Variants in XIRP2 observed in about 807,000 individuals in gnomAD.
XIRP2 encodes xin actin binding repeat containing 2, also known as xin actin-binding repeat-containing protein 2.
Under a neutral mutation model 277.0 loss-of-function variants are expected in XIRP2, and 236 were observed. The observed-to-expected ratio is 0.85, with a 90% confidence interval of 0.77 to 0.95. The LOEUF (loss-of-function observed/expected upper bound fraction) is 0.95. Ranked by LOEUF, XIRP2 falls within the 40% of genes least tolerant of loss-of-function variation. The pLI, the probability that XIRP2 is intolerant of heterozygous loss-of-function variation, is 0.00. For missense variants in XIRP2, 4,640 were observed against 4,157.5 expected (o/e 1.12, Z -3.19); for synonymous variants, 1,490 against 1,416.5 (o/e 1.05, Z -1.17).
chr2:167,242,588 A>G lies in XIRP2; in HGVS notation c.1196A>G (p.Glu399Gly), dbSNP rs1450957699. ...KQIKTESEYE[E>G]TFKPSSVVST... ...CTAAAGACTGAAAGTGAATATGAAG[A>G]GACTTTCAAGCCATCATCAGTTGTG... Residue 399 changes from glutamate (E) to glycine (G), a missense_variant, in exon 9 of 11, where the codon GAG (glutamate) becomes GGG (glycine). Coordinates refer to ENST00000409195, the MANE Select transcript of XIRP2 (RefSeq NM_152381.6). 1 of 1,612,260 alleles carries G rather than the reference A, an allele frequency of 6.2e-7. No individual in the cohort carries two copies. The highest frequency in any genetic ancestry group is 1.3e-5 in the African/African-American group (1 of 74,868).
intron 2 of XIRP2, among the ~76,000 whole-genome samples, chr2:166,947,933 G>T (rs913504389): frequency 6.6e-6 from 1 of 152,004 alleles, no homozygotes; most frequent in African/African-American, 2.4e-5. Flanking sequence ...AAAAAGAAAT[G>T]GGCTATCAAA....
At chr2:167,154,025 A>G (rs1692106750) in intron 3 of XIRP2, among the ~76,000 whole-genome samples, 1 of 149,728 alleles carries the variant, frequency 6.7e-6, no homozygotes, top group Non-Finnish European at 1.5e-5. Context: ...AGTCCCACCA[A>G]CAGTGTAAAA....
At chr2:167,151,423 C>A (rs1692012643) in intron 3 of XIRP2, among the ~76,000 whole-genome samples, 1 of 152,058 alleles carries the variant, frequency 6.6e-6, no homozygotes, top group African/African-American at 2.4e-5. Flanking sequence ...ATCCATGTAA[C>A]AAAACTGAAC....
intron 3 of XIRP2, among the ~76,000 whole-genome samples, chr2:167,140,648 C>G (rs530677046): frequency 2.0e-5 from 3 of 152,088 alleles, no homozygotes; most frequent in Non-Finnish European, 4.4e-5. Context: ...TATTTCATGC[C>G]CCAAATAATG....
chr2:167,094,507 G>A (rs545888860), intron 2 of XIRP2, among the ~76,000 whole-genome samples: 19 of 152,266 alleles, frequency 1.2e-4, no homozygotes, highest in African/African-American at 3.9e-4. Context: ...GTGTAAGGAA[G>A]GGGTCTAGTT....
At chr2:167,128,436 G>GAAAT (rs573577992) in intron 2 of XIRP2, among the ~76,000 whole-genome samples, 168 of 152,168 alleles carry the variant, frequency 1.1e-3, no homozygotes, top group Non-Finnish European at 1.7e-3. Flanking sequence ...CCATGCACGG[G>GAAAT]AAATACAGTG....
chr2:167,190,951 C>T (rs1004574484), intron 3 of XIRP2, among the ~76,000 whole-genome samples: 1 of 151,960 alleles, frequency 6.6e-6, no homozygotes, highest in African/African-American at 2.4e-5. Context: ...CCTGTAACCC[C>T]AGCACTTTGG....
intron 2 of XIRP2, among the ~76,000 whole-genome samples, chr2:166,907,895 G>A (rs532258402): frequency 1.3e-5 from 2 of 151,898 alleles, no homozygotes; most frequent in East Asian, 3.9e-4. Flanking sequence ...TTAGTTTGCT[G>A]AGAATGATGG....
At chr2:167,017,623 A>T (rs1172285728) in intron 2 of XIRP2, among the ~76,000 whole-genome samples, 1 of 152,010 alleles carries the variant, frequency 6.6e-6, no homozygotes, top group Non-Finnish European at 1.5e-5. Context: ...GGACTCCATC[A>T]TTGTGAGTCA....
At chr2:167,099,243 G>T (rs1422206760) in intron 2 of XIRP2, among the ~76,000 whole-genome samples, 2 of 152,104 alleles carry the variant, frequency 1.3e-5, no homozygotes, top group Non-Finnish European at 2.9e-5. Context: ...GGCTACAGTA[G>T]CTTTGCCTAG....
chr2:166,954,929 G>C lies in XIRP2; in HGVS notation c.408+51039G>C, dbSNP rs192880889. On this transcript the variant is annotated intron_variant, in intron 2 of 10. Transcript: ENST00000409195. ...GGGCCTGTTGCAGGAGGGTAGGGAG[G>C]GGAGAGCATTAGGAAAGAGAGTTAA... Among the ~76,000 whole-genome samples, 361 of 151,940 alleles carry C rather than the reference G, an allele frequency of 2.4e-3. 1 individual carries two copies. Among genetic ancestry groups the C allele is most frequent in the African/African-American group, 8.2e-3 (342 of 41,496 alleles).
chr2:167,075,844 G>T (rs1487894217), intron 2 of XIRP2, among the ~76,000 whole-genome samples: 2 of 151,410 alleles, frequency 1.3e-5, no homozygotes, highest in South Asian at 2.1e-4. Context: ...GTATTGATGG[G>T]GTTTCGCCAT....
At chr2:167,225,527 A>G (rs1017240852) in intron 5 of XIRP2, among the ~76,000 whole-genome samples, 1 of 152,184 alleles carries the variant, frequency 6.6e-6, no homozygotes, top group Non-Finnish European at 1.5e-5. Flanking sequence ...GCTCAGAAAT[A>G]AGGACCCTTA....
chr2:167,172,563 G>T (rs1399491870), intron 3 of XIRP2, among the ~76,000 whole-genome samples: 2 of 152,080 alleles, frequency 1.3e-5, no homozygotes, highest in Non-Finnish European at 2.9e-5. Flanking sequence ...CATTTTAGAG[G>T]CCTACCCCTA....
At chr2:167,081,116 T>C (rs1689716846) in intron 2 of XIRP2, among the ~76,000 whole-genome samples, 1 of 152,200 alleles carries the variant, frequency 6.6e-6, no homozygotes, top group African/African-American at 2.4e-5. Flanking sequence ...GATTGCTTAA[T>C]ACTGTTAAAA....
At chr2:166,928,325 C>T (rs954890751) in intron 2 of XIRP2, among the ~76,000 whole-genome samples, 5 of 152,072 alleles carry the variant, frequency 3.3e-5, no homozygotes, top group African/African-American at 1.2e-4. Context: ...CAGTGAGCAC[C>T]ACTGAGCTCT....
chr2:166,982,373 T>A (rs1460020269), intron 2 of XIRP2, among the ~76,000 whole-genome samples: 2 of 151,788 alleles, frequency 1.3e-5, no homozygotes, highest in African/African-American at 4.8e-5. Context: ...TTCTTGATTC[T>A]GTAAAATTTG....
intron 2 of XIRP2, among the ~76,000 whole-genome samples, chr2:167,123,565 G>T (rs896567548): frequency 6.6e-6 from 1 of 152,094 alleles, no homozygotes; most frequent in East Asian, 1.9e-4. Flanking sequence ...CAAGTTGCTT[G>T]CAGGGTTTGT....
At chr2:167,170,675 G>A (rs1159373403) in intron 3 of XIRP2, among the ~76,000 whole-genome samples, 2 of 151,882 alleles carry the variant, frequency 1.3e-5, no homozygotes, top group East Asian at 3.9e-4. Flanking sequence ...TCCTACTACT[G>A]ATAATTTCTA....
Sources: allele counts gnomAD v4.1 joint callset (sites outside exome capture counted in the v4.1 genomes callset), GRCh38; gene constraint gnomAD v4.1.1; transcripts MANE v1.5; gene names NCBI Gene and HGNC (gene_info 2026-07-23, HGNC 2026-07-21).